The following MB21D2 variants were observed in gnomAD, a reference collection of about 807,000 sequenced individuals.
The protein encoded by MB21D2 is nucleotidyltransferase MB21D2.
In MB21D2, 9 loss-of-function variants were observed where a neutral mutation model predicts 33.3. The ratio of observed to expected loss-of-function variants is 0.27; its 90% confidence interval spans 0.16 to 0.47. The LOEUF (loss-of-function observed/expected upper bound fraction) is 0.47. MB21D2 is among the 20% of genes least tolerant of loss of function. MB21D2 has a pLI of 0.99. For missense variants in MB21D2, 540 were observed against 624.6 expected (o/e 0.86, Z 1.44); for synonymous variants, 241 against 236.3 (o/e 1.02, Z -0.18).
chr3:192,817,368 T>C (rs1436167675), intron 1 of MB21D2, among the ~76,000 whole-genome samples: 1 of 150,972 alleles, frequency 6.6e-6, no homozygotes, highest in Admixed American at 6.6e-5. Flanking sequence ...ACACTCTGAA[T>C]GAAAAGTTAA....
intron 1 of MB21D2, among the ~76,000 whole-genome samples, chr3:192,825,753 T>A (rs1007101200): frequency 6.6e-6 from 1 of 152,232 alleles, no homozygotes; most frequent in Non-Finnish European, 1.5e-5. Context: ...AGCCTTTCAA[T>A]GCTCATTAGC....
intron 1 of MB21D2, among the ~76,000 whole-genome samples, chr3:192,878,662 A>T (rs1713494233): frequency 2.0e-5 from 3 of 152,112 alleles, no homozygotes; most frequent in African/African-American, 7.2e-5. Context: ...TAGCCATGGG[A>T]TGGGTGTTTT....
At chr3:192,847,663 A>G (rs1042124428) in intron 1 of MB21D2, among the ~76,000 whole-genome samples, 2 of 152,254 alleles carry the variant, frequency 1.3e-5, no homozygotes, top group Non-Finnish European at 2.9e-5. Flanking sequence ...TCAACACAGC[A>G]GCAGATCAGT....
rs146803769 is a variant in MB21D2, at chr3:192,853,513, C to T, written c.212-53863G>A. 1.5e-3 allele frequency among the ~76,000 whole-genome samples: 222 copies of T among 152,268 alleles called. No homozygotes were observed. The South Asian group carries it at 0.015, about 10-fold the overall frequency. On this transcript the variant is annotated intron_variant, in intron 1 of 1. Coordinates refer to ENST00000392452, the MANE Select transcript of MB21D2 (RefSeq NM_178496.4). ...GGTTGCAACAGCAGCAGTGGTGTTC[C>T]CACCTGAGTGTCACTCAATGCATGC...
At chr3:192,840,415 C>CTTTTTTTTT (rs71177380) in intron 1 of MB21D2, among the ~76,000 whole-genome samples, 3,188 of 88,378 alleles carry the variant, frequency 0.036, 13 homozygotes, top group Non-Finnish European at 0.049. Context: ...TCTCTTTTTT[C>CTTTTTTTTT]TTTTTTTTTT....
At chr3:192,869,698 T>C (rs1055643283) in intron 1 of MB21D2, among the ~76,000 whole-genome samples, 3 of 152,184 alleles carry the variant, frequency 2.0e-5, no homozygotes, top group Non-Finnish European at 2.9e-5. Context: ...GACCTCACCT[T>C]GCACTTGGGG....
At chr3:192,818,018 A>G (rs1409116528) in intron 1 of MB21D2, among the ~76,000 whole-genome samples, 1 of 149,652 alleles carries the variant, frequency 6.7e-6, no homozygotes, top group Non-Finnish European at 1.5e-5. Context: ...CCAAGCCTCT[A>G]CTTGTTCTCT....
chr3:192,911,487 T>C (rs1714349516), intron 1 of MB21D2, among the ~76,000 whole-genome samples: 1 of 152,232 alleles, frequency 6.6e-6, no homozygotes, highest in Admixed American at 6.5e-5. Context: ...GAACAGAGAA[T>C]GCAGAACATC....
At chr3:192,829,323 T>C (rs1712262211) in intron 1 of MB21D2, among the ~76,000 whole-genome samples, 1 of 152,260 alleles carries the variant, frequency 6.6e-6, no homozygotes, top group African/African-American at 2.4e-5. Flanking sequence ...ATAAAACTTT[T>C]GTAAACATTT....
intron 1 of MB21D2, among the ~76,000 whole-genome samples, chr3:192,824,834 T>A (rs1712139560): frequency 6.6e-6 from 1 of 152,234 alleles, no homozygotes; most frequent in Admixed American, 6.5e-5. Context: ...CCGTGTTTTT[T>A]ATGAAATTTT....
intron 1 of MB21D2, among the ~76,000 whole-genome samples, chr3:192,888,651 C>G (rs1713784419): frequency 1.3e-5 from 2 of 152,060 alleles, no homozygotes; most frequent in African/African-American, 2.4e-5. Context: ...AAGCTCTTAC[C>G]ATATGATCAT....
chr3:192,846,394 AG>A (rs1166285451), intron 1 of MB21D2, among the ~76,000 whole-genome samples: 1 of 152,162 alleles, frequency 6.6e-6, no homozygotes, highest in Non-Finnish European at 1.5e-5. Flanking sequence ...TTCATAACAA[AG>A]TTTTGGTATT....
chr3:192,880,676 C>T (rs1167484914), intron 1 of MB21D2, among the ~76,000 whole-genome samples: 1 of 152,112 alleles, frequency 6.6e-6, no homozygotes, highest in Non-Finnish European at 1.5e-5. Context: ...CTGCAGAGTG[C>T]ACCACCTGTA....
chr3:192,809,851 T>A (rs1711748878), intron 1 of MB21D2, among the ~76,000 whole-genome samples: 1 of 152,220 alleles, frequency 6.6e-6, no homozygotes, highest in South Asian at 2.1e-4. Context: ...TGGACAACTT[T>A]CAGAGAACAT....
intron 1 of MB21D2, among the ~76,000 whole-genome samples, chr3:192,900,056 G>A (rs1159762730): frequency 3.9e-5 from 6 of 151,928 alleles, no homozygotes; most frequent in East Asian, 3.9e-4. Context: ...AGGCTGAGGC[G>A]GGCGGATCAC....
chr3:192,823,132 T>C (rs537073316), intron 1 of MB21D2, among the ~76,000 whole-genome samples: 1 of 152,340 alleles, frequency 6.6e-6, no homozygotes, highest in Admixed American at 6.5e-5. Flanking sequence ...CTAAATTATT[T>C]TCACACCAAA....
intron 1 of MB21D2, among the ~76,000 whole-genome samples, chr3:192,843,758 T>A (rs1203695216): frequency 6.6e-6 from 1 of 152,166 alleles, no homozygotes; most frequent in African/African-American, 2.4e-5. Context: ...CCTGGAGGCC[T>A]GTTTACCCAA....
chr3:192,898,719 C>T (rs1405534049), intron 1 of MB21D2, among the ~76,000 whole-genome samples: 1 of 152,074 alleles, frequency 6.6e-6, no homozygotes, highest in African/African-American at 2.4e-5. Flanking sequence ...GTGTAAAATA[C>T]CAGACATTAA....
intron 1 of MB21D2, among the ~76,000 whole-genome samples, chr3:192,899,666 G>A (rs1004004221): frequency 1.2e-4 from 19 of 152,214 alleles, no homozygotes; most frequent in Admixed American, 7.9e-4. Flanking sequence ...AACAATCCAT[G>A]AGACAGATGG....
Sources: gnomAD v4.1 joint callset for allele counts (sites outside exome capture counted in the v4.1 genomes callset) on GRCh38, gnomAD v4.1.1 for gene constraint, MANE v1.5 for transcripts, NCBI Gene and HGNC (gene_info 2026-07-23, HGNC 2026-07-21) for gene names.